Variants in PRDM6 observed in about 807,000 individuals in gnomAD.
The protein encoded by PRDM6 is PR/SET domain 6.
PRDM6 carries 25 observed loss-of-function variants against 60.8 expected under a neutral mutation model. The ratio of observed to expected loss-of-function variants is 0.41; its 90% CI spans 0.30 to 0.57. The LOEUF is 0.57. Among genes scored for constraint, PRDM6 ranks in the 20% least tolerant of loss-of-function variants. The pLI is 0.27. For synonymous variants in PRDM6, 407 were observed against 357.4 expected (o/e 1.14, Z -1.57); for missense variants, 839 against 821.3 (o/e 1.02, Z -0.26).
intron 6 of PRDM6, among the ~76,000 whole-genome samples, chr5:123,175,547 G>A (rs1472257835): frequency 6.6e-6 from 1 of 152,200 alleles, no homozygotes; most frequent in East Asian, 1.9e-4. Flanking sequence ...TCTTCAGGCT[G>A]TTTAGTCTTG....
intron 3 of PRDM6, among the ~76,000 whole-genome samples, chr5:123,153,070 A>G (rs1765405676): frequency 6.6e-6 from 1 of 152,236 alleles, no homozygotes; most frequent in African/African-American, 2.4e-5. Flanking sequence ...AACAACAATC[A>G]CAAAAGAAAT....
intron 3 of PRDM6, among the ~76,000 whole-genome samples, chr5:123,152,558 A>G (rs1481339470): frequency 1.3e-5 from 2 of 152,202 alleles, no homozygotes; most frequent in African/African-American, 4.8e-5. Flanking sequence ...CACAATTCCT[A>G]TCATTTGGAA....
chr5:123,089,906 C>T, intron 1 of PRDM6, 94 bp from the exon 2 acceptor site: 2 of 945,124 alleles, frequency 2.1e-6, no homozygotes, highest in Non-Finnish European at 3.1e-6. Context: ...GCTGAACCAC[C>T]GGCTCGGGCA....
chr5:123,170,707 A>G (rs748118866), intron 5 of PRDM6, 59 bp from the exon 6 acceptor site: 154 of 1,169,128 alleles, frequency 1.3e-4, no homozygotes, highest in Non-Finnish European at 1.8e-4. Flanking sequence ...AGTATGTGTT[A>G]TTGTGCTTAT....
At position 123,187,368 on chromosome 5, in the gene PRDM6, G is replaced by C. The variant is rs1320593774; in HGVS notation, c.*167G>C. The C allele has an allele frequency of 3.9e-6, 2 of 515,808 alleles. No homozygotes were observed. Among genetic ancestry groups the C allele is most frequent in the East Asian group, 3.5e-5 (1 of 28,690 alleles). The allele number at this position is 515,808 out of a possible 1,614,324, so 32.0% of individuals were successfully genotyped here. On this transcript the variant is annotated 3_prime_UTR_variant, in exon 8 of 8. Coordinates refer to ENST00000407847, the MANE Select transcript of PRDM6 (RefSeq NM_001136239.4). ...AAGAGATATTGATCCTGGCATGGAA[G>C]TCAGACCAGGAAAGAGATTATTTAT...
At chr5:123,116,937 G>A (rs1042475876) in intron 3 of PRDM6, among the ~76,000 whole-genome samples, 3 of 152,168 alleles carry the variant, frequency 2.0e-5, no homozygotes, top group African/African-American at 7.2e-5. Flanking sequence ...TAATAACTCT[G>A]TCTCCCAGCC....
intron 3 of PRDM6, among the ~76,000 whole-genome samples, chr5:123,101,522 T>G (rs1274272345): frequency 6.6e-6 from 1 of 152,238 alleles, no homozygotes; most frequent in Non-Finnish European, 1.5e-5. Context: ...CCAGTAGTGT[T>G]ATTAGGAACT....
chr5:123,193,827 A>G lies in PRDM6; in HGVS notation c.*6626A>G, dbSNP rs1316187387. 2 of 152,230 alleles carry G rather than the reference A, an allele frequency of 1.3e-5. No individual in the cohort carries two copies. Among genetic ancestry groups the G allele is most frequent in the Non-Finnish European group, 2.9e-5 (2 of 68,048 alleles). The allele number at this position is 152,230 out of a possible 1,614,324, so 9.4% of individuals were successfully genotyped here. ...GTGGTTATTTTAAGTTTAGGACTGTAAATGTTCCCTACTGGAATAGAAATA... is the reference window on the plus strand; with the variant it reads ...GTGGTTATTTTAAGTTTAGGACTGTGAATGTTCCCTACTGGAATAGAAATA... On this transcript the variant is annotated 3_prime_UTR_variant, in exon 8 of 8. Coordinates refer to ENST00000407847, the MANE Select transcript of PRDM6 (RefSeq NM_001136239.4).
At chr5:123,165,729 T>G (rs1214130005) in intron 5 of PRDM6, among the ~76,000 whole-genome samples, 2 of 152,208 alleles carry the variant, frequency 1.3e-5, no homozygotes, top group African/African-American at 4.8e-5. Flanking sequence ...TCTAATCGTA[T>G]TCCCCCTTTT....
chr5:123,130,726 G>A (rs922256628), intron 3 of PRDM6, among the ~76,000 whole-genome samples: 12 of 151,998 alleles, frequency 7.9e-5, no homozygotes, highest in South Asian at 2.1e-4. Context: ...CACCATGCCC[G>A]GCTAATTGTT....
intron 6 of PRDM6, 72 bp from the exon 7 acceptor site, chr5:123,180,075 T>C: frequency 7.1e-7 from 1 of 1,410,414 alleles, no homozygotes; most frequent in Non-Finnish European, 9.5e-7. Context: ...TTTTGGCCCC[T>C]TGTCATATGA....
At chr5:123,097,602 G>A (rs1561800264) in intron 2 of PRDM6, among the ~76,000 whole-genome samples, 4 of 152,192 alleles carry the variant, frequency 2.6e-5, no homozygotes, top group African/African-American at 9.7e-5. Context: ...TGTCTTTCAT[G>A]TAATTCCCAA....
At chr5:123,160,957 A>G (rs776756870) in intron 5 of PRDM6, among the ~76,000 whole-genome samples, 5 of 152,198 alleles carry the variant, frequency 3.3e-5, no homozygotes, top group South Asian at 2.1e-4. Context: ...CTCAAACAGA[A>G]TGACTCCATG....
rs115401757 is a variant in PRDM6, at chr5:123,184,696, T to A, written c.1674-2391T>A. On this transcript the variant is annotated intron_variant, in intron 7 of 7. Coordinates refer to ENST00000407847, the MANE Select transcript of PRDM6 (RefSeq NM_001136239.4). ...TGTTGAGATGAGTTTCATTAAAGTATGAAAATATTTTGTGGAAGAGATTTC... is the reference window on the plus strand; with the variant it reads ...TGTTGAGATGAGTTTCATTAAAGTAAGAAAATATTTTGTGGAAGAGATTTC... 7.6e-3 allele frequency among the ~76,000 whole-genome samples: 1,162 copies of A among 152,324 alleles called. 22 individuals carry two copies. Among genetic ancestry groups the A allele is most frequent in the African/African-American group, 0.027 (1,110 of 41,562 alleles).
At chr5:123,152,172 G>A (rs1465200111) in intron 3 of PRDM6, among the ~76,000 whole-genome samples, 2 of 152,142 alleles carry the variant, frequency 1.3e-5, no homozygotes, top group African/African-American at 4.8e-5. Context: ...GCCCCCAGCT[G>A]TAATGGACTG....
At chr5:123,172,423 AG>A (rs1295550439) in intron 6 of PRDM6, among the ~76,000 whole-genome samples, 1 of 152,166 alleles carries the variant, frequency 6.6e-6, no homozygotes, top group Non-Finnish European at 1.5e-5. Flanking sequence ...TCAATAGGCG[AG>A]CCCCCTGGTG....
chr5:123,093,483 C>G (rs1033505141), intron 2 of PRDM6, among the ~76,000 whole-genome samples: 1 of 152,136 alleles, frequency 6.6e-6, no homozygotes, highest in African/African-American at 2.4e-5. Context: ...GCAAGCTACC[C>G]GGGTGAGCTT....
intron 6 of PRDM6, among the ~76,000 whole-genome samples, chr5:123,176,280 A>C (rs950022362): frequency 4.0e-5 from 6 of 150,918 alleles, no homozygotes; most frequent in Non-Finnish European, 5.9e-5. Context: ...TAAAAAAAAA[A>C]AAACAAAAAA....
chr5:123,122,330 T>C (rs455510), intron 3 of PRDM6, among the ~76,000 whole-genome samples: 143,027 of 152,198 alleles, frequency 0.94, 67,217 homozygotes, highest in East Asian at 0.99. Context: ...AAATTTAAGA[T>C]ACCTTTAAAA....
Sources: gnomAD v4.1 joint callset for allele counts (sites outside exome capture counted in the v4.1 genomes callset) on GRCh38, gnomAD v4.1.1 for gene constraint, MANE v1.5 for transcripts, NCBI Gene and HGNC (gene_info 2026-07-23, HGNC 2026-07-21) for gene names.